Variants in KIDINS220 observed in about 807,000 individuals in gnomAD.
KIDINS220 encodes the protein kinase D-interacting substrate of 220 kDa.
Under a neutral mutation model 157.6 loss-of-function variants are expected in KIDINS220, and 63 were observed. That is an observed-to-expected ratio of 0.40 (90% CI 0.33 to 0.49). The LOEUF is 0.49. KIDINS220 is among the 20% of genes least tolerant of loss of function. The pLI is 0.66. For synonymous variants in KIDINS220, 732 were observed against 783.6 expected, an observed-to-expected ratio of 0.93 and a Z score of 1.10; for missense variants, 1,772 against 2,171.2, an observed-to-expected ratio of 0.82 and a Z score of 3.65.
intron 18 of KIDINS220, 45 bp from the exon 19 acceptor site, chr2:8,779,184 T>C (rs764504628): frequency 6.3e-7 from 1 of 1,594,502 alleles, no homozygotes; most frequent in South Asian, 1.1e-5. Context: ...TTTTAAATTG[T>C]CCAAAAGAAT....
Position 8,791,145 on chromosome 2 carries a change from A to G in KIDINS220, c.1356T>C (p.Ser452=). ...AAATGGGTGGCTGCATGGTAGGCTC[A>G]CTGAGAATATCTGCCAGGGCACTGC... The part of the protein sequence containing the change: ...LYSSALADIL[S]EPTMQPPICV... Residue 452 remains serine, a synonymous_variant, in exon 13 of 30, where the codon AGT becomes AGC. Coordinates refer to ENST00000256707, the MANE Select transcript of KIDINS220 (RefSeq NM_020738.4). The G allele has an allele frequency of 1.2e-6, 2 of 1,614,156 alleles. No homozygotes were observed. Among genetic ancestry groups the G allele is most frequent in the Non-Finnish European group, 1.7e-6 (2 of 1,179,994 alleles).
At chr2:8,818,579 G>T in intron 3 of KIDINS220, 116 bp downstream of exon 3, 1 of 608,208 alleles carries the variant, frequency 1.6e-6, no homozygotes, top group Admixed American at 3.0e-5. Flanking sequence ...AGCCCACTAG[G>T]CAAAGTTGAA....
intron 2 of KIDINS220, among the ~76,000 whole-genome samples, chr2:8,823,947 T>C (rs1678376431): frequency 6.6e-6 from 1 of 151,814 alleles, no homozygotes; most frequent in African/African-American, 2.4e-5. Flanking sequence ...ATAGGCATTA[T>C]CATTAAATAA....
chr2:8,776,661 CAATA>C lies in KIDINS220; in HGVS notation c.2848+83_2848+86del. 5 of 1,190,498 alleles carry C rather than the reference CAATA, an allele frequency of 4.2e-6. No homozygotes were observed. The South Asian group carries it at 7.5e-5, about 18-fold the overall frequency. 73.7% of individuals were successfully genotyped at this position (1,190,498 alleles called of 1,614,324 possible). ...ATTCAGCAATGTAAACATATACACA[CAATA>C]CATACCTTTGTTTCTGAAATTAAAT... On this transcript the variant is annotated intron_variant, in intron 21 of 29. Transcript: ENST00000256707.
At chr2:8,761,778 T>C (rs1034806103) in intron 22 of KIDINS220, among the ~76,000 whole-genome samples, 12 of 152,252 alleles carry the variant, frequency 7.9e-5, no homozygotes, top group Non-Finnish European at 5.9e-5. Context: ...TTTTGAATAT[T>C]GCTAACAGGA....
intron 7 of KIDINS220, among the ~76,000 whole-genome samples, chr2:8,804,168 C>T (rs1026558913): frequency 7.2e-5 from 11 of 152,190 alleles, no homozygotes; most frequent in Non-Finnish European, 1.5e-4. Flanking sequence ...ACAGGGCCTA[C>T]GCCTTGAAGG....
At chr2:8,780,329 T>C (rs1671520289) in intron 17 of KIDINS220, among the ~76,000 whole-genome samples, 1 of 152,200 alleles carries the variant, frequency 6.6e-6, no homozygotes, top group African/African-American at 2.4e-5. Context: ...GAATAACTTA[T>C]AAAAGTCTAT....
chr2:8,724,794 T>A (rs923695593), downstream of KIDINS220: 1 of 152,176 alleles, frequency 6.6e-6, no homozygotes, highest in African/African-American at 2.4e-5. This position sits in a 1 kb window ranked among gnomAD's most constrained non-coding sequence, Gnocchi z 4.6. Context: ...TCCTGGCTAA[T>A]TTTTTTATTT....
intron 15 of KIDINS220, 27 bp downstream of exon 15, chr2:8,788,619 AT>A (rs777271159): frequency 4.4e-6 from 7 of 1,593,592 alleles, no homozygotes; most frequent in African/African-American, 1.4e-5. Context: ...CTCATTGAAG[AT>A]TTCTTCTGTC....
chr2:8,787,855 G>T (rs1442057715), intron 15 of KIDINS220, among the ~76,000 whole-genome samples: 1 of 149,938 alleles, frequency 6.7e-6, no homozygotes, highest in Admixed American at 6.7e-5. Flanking sequence ...AATAATTTTA[G>T]ACAGACATGT....
downstream of KIDINS220, chr2:8,722,092 A>G (rs1322046294): frequency 1.3e-5 from 2 of 152,226 alleles, no homozygotes; most frequent in Non-Finnish European, 2.9e-5. Flanking sequence ...ACAACTCCAC[A>G]TAACCACGCC....
intron 28 of KIDINS220, among the ~76,000 whole-genome samples, chr2:8,734,225 G>C (rs889499195): frequency 2.0e-5 from 3 of 152,102 alleles, no homozygotes; most frequent in African/African-American, 7.2e-5. Context: ...GGGGTGGGGG[G>C]GTTAGTGAGG....
intron 22 of KIDINS220, chr2:8,757,840 A>T: frequency 7.0e-7 from 1 of 1,420,496 alleles, no homozygotes; most frequent in Non-Finnish European, 9.8e-7. Context: ...TAAATCCTGG[A>T]CTTGGAATTC....
intron 4 of KIDINS220, among the ~76,000 whole-genome samples, chr2:8,815,662 C>G (rs1196776298): frequency 6.6e-6 from 1 of 152,116 alleles, no homozygotes; most frequent in Non-Finnish European, 1.5e-5. Flanking sequence ...GAGCGAGACT[C>G]CGTCTCAGGG....
rs1673495281 is a variant in KIDINS220, at chr2:8,793,560, C to T, written c.1276+250G>A. ...GCTCAAGAGATCCTCCCACCTCAGC[C>T]TCCCAAGAAGCTAGGACTACAAGCA... On this transcript the variant is annotated intron_variant, in intron 12 of 29. Coordinates refer to ENST00000256707, the MANE Select transcript of KIDINS220 (RefSeq NM_020738.4). Among the ~76,000 whole-genome samples the T allele has an allele frequency of 2.0e-5, 3 of 152,158 alleles. No homozygotes were observed. The South Asian group carries it at 6.2e-4, about 32-fold the overall frequency.
intron 6 of KIDINS220, 103 bp from the exon 7 acceptor site, chr2:8,806,472 C>T (rs1337367983): frequency 1.5e-6 from 1 of 688,844 alleles, no homozygotes; most frequent in Non-Finnish European, 2.4e-6. Context: ...TTATCATTCT[C>T]ATAAAACTGT....
Position 8,786,010 on chromosome 2 carries a change from T to A in KIDINS220, c.1960A>T (p.Thr654Ser). 1 of 1,606,282 alleles carries A rather than the reference T, an allele frequency of 6.2e-7. No homozygotes were observed. The highest frequency in any genetic ancestry group is 8.5e-7 in the Non-Finnish European group (1 of 1,177,082). ...ATGACAAAAGATGGGAGACAACATGTTTTTTTCCATTTCTTTTTACCTGTA... is the reference window on the plus strand; with the variant it reads ...ATGACAAAAGATGGGAGACAACATGATTTTTTCCATTTCTTTTTACCTGTA... ...DTQGKKKWKKTCCLPSFVIFL... is the reference protein window; with the variant it reads ...DTQGKKKWKKSCCLPSFVIFL... The change falls in exon 17 of 30, where the codon ACA (threonine) becomes TCA (serine). Residue 654 changes from threonine (T) to serine (S), a missense_variant. Around this residue, in one of 3 missense-constraint regions of KIDINS220, gnomAD observed 725 missense variants for 1,017.1 expected, o/e 0.71. Transcript: ENST00000256707.
intron 21 of KIDINS220, among the ~76,000 whole-genome samples, chr2:8,775,193 G>T (rs990111205): frequency 1.3e-5 from 2 of 152,184 alleles, no homozygotes; most frequent in African/African-American, 2.4e-5. Context: ...ACATTCAATT[G>T]TGGACATATT....
At chr2:8,749,053 T>G (rs985101536) in intron 24 of KIDINS220, among the ~76,000 whole-genome samples, 6 of 152,210 alleles carry the variant, frequency 3.9e-5, no homozygotes, top group African/African-American at 1.4e-4. Flanking sequence ...AGTTAAATTT[T>G]AAAAGATGGA....
Sources: allele counts gnomAD v4.1 joint callset (sites outside exome capture counted in the v4.1 genomes callset), GRCh38; gene constraint gnomAD v4.1.1; regional missense constraint gnomAD v4.1.1; non-coding constraint Gnocchi (gnomAD v3.1); transcripts MANE v1.5; gene names NCBI Gene and HGNC (gene_info 2026-07-23, HGNC 2026-07-21).